KCNT2: variants seen among roughly 807,000 people sequenced by gnomAD.
KCNT2 encodes the protein potassium channel subfamily T member 2.
In KCNT2, 67 loss-of-function variants were observed where a neutral mutation model predicts 153.8. The observed-to-expected ratio is 0.44, with a 90% CI of 0.36 to 0.53. The LOEUF (loss-of-function observed/expected upper bound fraction) is 0.53. Among genes scored for constraint, KCNT2 ranks in the 20% least tolerant of loss-of-function variants. The pLI is 0.00. For synonymous variants in KCNT2, 500 were observed against 458.8 expected (o/e 1.09, Z -1.15); for missense variants, 975 against 1,354.8 (o/e 0.72, Z 4.40).
At chr1:196,379,158 C>A (rs553410667) in intron 13 of KCNT2, among the ~76,000 whole-genome samples, 1 of 152,246 alleles carries the variant, frequency 6.6e-6, no homozygotes, top group East Asian at 1.9e-4. Context: ...ACATATGTAG[C>A]AAAAGCACAG....
intron 26 of KCNT2, among the ~76,000 whole-genome samples, chr1:196,256,945 C>A (rs532588199): frequency 1.3e-5 from 2 of 151,952 alleles, no homozygotes; most frequent in South Asian, 4.2e-4. Flanking sequence ...CTTACTTTTT[C>A]TTTTAATTTG....
chr1:196,485,209 C>A (rs1296272709), intron 3 of KCNT2, among the ~76,000 whole-genome samples: 2 of 151,938 alleles, frequency 1.3e-5, no homozygotes, highest in Non-Finnish European at 2.9e-5. Flanking sequence ...GAAAACCAAA[C>A]ACCACATATT....
At chr1:196,233,928 A>T (rs1197684955) in intron 27 of KCNT2, among the ~76,000 whole-genome samples, 1 of 151,364 alleles carries the variant, frequency 6.6e-6, no homozygotes, top group African/African-American at 2.4e-5. Flanking sequence ...GATGGAGAGA[A>T]ACTGGTTTAT....
chr1:196,486,525 A>G (rs989068262), intron 3 of KCNT2, among the ~76,000 whole-genome samples: 1 of 151,974 alleles, frequency 6.6e-6, no homozygotes, highest in Non-Finnish European at 1.5e-5. Context: ...GAACTGTCTT[A>G]AAAGTAGGAA....
intron 1 of KCNT2, among the ~76,000 whole-genome samples, chr1:196,566,408 T>C (rs533516724): frequency 6.6e-6 from 1 of 152,160 alleles, no homozygotes; most frequent in East Asian, 1.9e-4. Context: ...GAAGAAGGAA[T>C]GGGGATACAC....
At chr1:196,270,828 G>GGTGTGT (rs10641279) in intron 25 of KCNT2, among the ~76,000 whole-genome samples, 8 of 148,032 alleles carry the variant, frequency 5.4e-5, no homozygotes, top group African/African-American at 1.5e-4. Context: ...TCAACATGCA[G>GGTGTGT]GTGTGTGTGT....
chr1:196,351,843 GTCATAGATAGC>G (rs1264842933), intron 14 of KCNT2, among the ~76,000 whole-genome samples: 1 of 152,096 alleles, frequency 6.6e-6, no homozygotes, highest in African/African-American at 2.4e-5. Context: ...CTGTGGGTTT[GTCATAGATAGC>G]TCTTATTATT....
At chr1:196,563,228 T>C (rs1659652104) in intron 1 of KCNT2, among the ~76,000 whole-genome samples, 1 of 151,874 alleles carries the variant, frequency 6.6e-6, no homozygotes, top group South Asian at 2.1e-4. Context: ...TATTCTCTTT[T>C]AGGGGTTAGA....
intron 1 of KCNT2, among the ~76,000 whole-genome samples, chr1:196,597,261 C>A: frequency 7.0e-6 from 1 of 143,004 alleles, no homozygotes; most frequent in African/African-American, 3.0e-5. Flanking sequence ...ATCAAAGCCA[C>A]CTACACTAAA....
At chr1:196,414,953 G>A (rs1294258956) in intron 12 of KCNT2, among the ~76,000 whole-genome samples, 3 of 151,840 alleles carry the variant, frequency 2.0e-5, no homozygotes, top group African/African-American at 7.2e-5. Context: ...CATATTAAGG[G>A]CAAATGTCAA....
intron 1 of KCNT2, among the ~76,000 whole-genome samples, chr1:196,551,719 A>G (rs1212962726): frequency 6.6e-6 from 1 of 151,646 alleles, no homozygotes; most frequent in Non-Finnish European, 1.5e-5. Flanking sequence ...GTTTTTCTGC[A>G]GTTTCTTACA....
rs751861287 is a variant in KCNT2 at position 196,285,773 on chromosome 1, G to C, written c.2596-15C>G. ...TCCCGTTCTTTCTGTTCAGAAATTT[G>C]AGATAGAAAAATTTGTGAGCATTCC... On this transcript the variant is annotated splice_polypyrimidine_tract_variant and intron_variant, in intron 22 of 27. Transcript: ENST00000294725. 1.3e-6 allele frequency: 2 copies of C among 1,516,812 alleles called. No individual in the cohort carries two copies. Among genetic ancestry groups the C allele is most frequent in the Admixed American group, 1.7e-5 (1 of 59,406 alleles). 94.0% of individuals were successfully genotyped at this position (1,516,812 alleles called of 1,614,324 possible).
intron 10 of KCNT2, among the ~76,000 whole-genome samples, chr1:196,427,282 G>A (rs1215096001): frequency 6.6e-6 from 1 of 151,790 alleles, no homozygotes; most frequent in Non-Finnish European, 1.5e-5. Context: ...TATAAATTAG[G>A]TGTTTTAAAA....
At chr1:196,582,777 A>C (rs1370327566) in intron 1 of KCNT2, among the ~76,000 whole-genome samples, 1 of 152,090 alleles carries the variant, frequency 6.6e-6, no homozygotes, top group African/African-American at 2.4e-5. Flanking sequence ...GAACCATGTC[A>C]CCTGCTTCAG....
chr1:196,581,554 A>G (rs529002320), intron 1 of KCNT2, among the ~76,000 whole-genome samples: 1 of 152,066 alleles, frequency 6.6e-6, no homozygotes, highest in Non-Finnish European at 1.5e-5. Context: ...CAATATAATG[A>G]AGTTAACACA....
chr1:196,442,505 C>T (rs1229661352), intron 8 of KCNT2, among the ~76,000 whole-genome samples: 10 of 151,698 alleles, frequency 6.6e-5, no homozygotes, highest in African/African-American at 2.4e-4. Flanking sequence ...TATACAACTA[C>T]AGAAAGAAGA....
intron 13 of KCNT2, among the ~76,000 whole-genome samples, chr1:196,383,455 C>T (rs903487468): frequency 1.3e-5 from 2 of 152,110 alleles, no homozygotes; most frequent in African/African-American, 4.8e-5. Context: ...TGATAAAAGT[C>T]TGTGGAATGA....
At chr1:196,370,003 A>G (rs899802968) in intron 14 of KCNT2, among the ~76,000 whole-genome samples, 1 of 152,034 alleles carries the variant, frequency 6.6e-6, no homozygotes, top group Non-Finnish European at 1.5e-5. Flanking sequence ...AGAAATGCAA[A>G]TCAAAACCAC....
chr1:196,307,109 A>C (rs1365384007), intron 21 of KCNT2, among the ~76,000 whole-genome samples: 1 of 152,066 alleles, frequency 6.6e-6, no homozygotes, highest in African/African-American at 2.4e-5. Context: ...GCAACTGATA[A>C]CTTTTTCAAT....
Sources: gnomAD v4.1 joint callset for allele counts (sites outside exome capture counted in the v4.1 genomes callset) on GRCh38, gnomAD v4.1.1 for gene constraint, MANE v1.5 for transcripts, NCBI Gene and HGNC (gene_info 2026-07-23, HGNC 2026-07-21) for gene names.